Variants in PRR16 observed in about 807,000 individuals in gnomAD.
The protein encoded by PRR16 is protein Largen.
In PRR16, 6 loss-of-function variants were observed where a neutral mutation model predicts 18.2. That is an observed-to-expected ratio of 0.33 (90% CI 0.18 to 0.65). The LOEUF (loss-of-function observed/expected upper bound fraction) is 0.65. Ranked by LOEUF, PRR16 falls within the 30% of genes least tolerant of loss-of-function variation. The pLI, the probability that PRR16 is intolerant of heterozygous loss-of-function variation, is 0.74. For missense variants in PRR16, 412 were observed against 376.6 expected, an observed-to-expected ratio of 1.09 and a Z score of -0.78; for synonymous variants, 151 against 147.8, an observed-to-expected ratio of 1.02 and a Z score of -0.16.
chr5:120,773,597 C>T, the PRR16 span, among the ~76,000 whole-genome samples: 6 of 152,172 alleles, frequency 3.9e-5, no homozygotes, highest in South Asian at 6.2e-4. Context: ...ATTTATTCTA[C>T]ATGGTCAACT....
chr5:120,619,786 T>C (rs1446761583), intron 1 of PRR16, among the ~76,000 whole-genome samples: 1 of 152,034 alleles, frequency 6.6e-6, no homozygotes, highest in African/African-American at 2.4e-5. Context: ...CAGTAGTTAT[T>C]GAACATGCAC....
At chr5:120,485,659 A>G (rs918239790) in intron 1 of PRR16, among the ~76,000 whole-genome samples, 2 of 151,482 alleles carry the variant, frequency 1.3e-5, no homozygotes, top group African/African-American at 2.4e-5. Context: ...TTTTTTTTTT[A>G]TTATTATACT....
intron 1 of PRR16, among the ~76,000 whole-genome samples, chr5:120,629,834 T>C (rs1754996002): frequency 6.6e-6 from 1 of 152,172 alleles, no homozygotes; most frequent in African/African-American, 2.4e-5. Flanking sequence ...TTATTTCCAC[T>C]CTGCATTTTA....
the PRR16 span, among the ~76,000 whole-genome samples, chr5:120,770,205 G>T: frequency 1.3e-5 from 2 of 151,660 alleles, no homozygotes; most frequent in Non-Finnish European, 2.9e-5. Flanking sequence ...GTATTATGAG[G>T]CCCTGGTAAT....
chr5:120,642,257 G>A (rs963877971), intron 1 of PRR16, among the ~76,000 whole-genome samples: 2 of 122,096 alleles, frequency 1.6e-5, no homozygotes, highest in African/African-American at 5.9e-5. Context: ...TTCTTCAACA[G>A]CTGTTTTTTT....
the PRR16 span, among the ~76,000 whole-genome samples, chr5:120,700,951 A>C: frequency 1.3e-5 from 2 of 152,206 alleles, no homozygotes; most frequent in African/African-American, 2.4e-5. Flanking sequence ...TGAGTTGAAC[A>C]GTCCAATTTT....
chr5:120,559,438 G>A (rs908509055), intron 1 of PRR16, among the ~76,000 whole-genome samples: 2 of 151,630 alleles, frequency 1.3e-5, no homozygotes, highest in Non-Finnish European at 3.0e-5. Flanking sequence ...TATATCCTTG[G>A]TACCTTTGTT....
chr5:120,594,956 C>G (rs1274788441), intron 1 of PRR16, among the ~76,000 whole-genome samples: 3 of 151,752 alleles, frequency 2.0e-5, no homozygotes, highest in Non-Finnish European at 4.4e-5. Flanking sequence ...AAAAATCAAC[C>G]AAAAATGGGA....
chr5:120,694,089 A>G, the PRR16 span, among the ~76,000 whole-genome samples: 1 of 152,206 alleles, frequency 6.6e-6, no homozygotes, highest in Non-Finnish European at 1.5e-5. Flanking sequence ...TTACTTAATG[A>G]ATGTGAAAAT....
chr5:120,745,016 G>T, the PRR16 span, among the ~76,000 whole-genome samples: 1 of 152,174 alleles, frequency 6.6e-6, no homozygotes, highest in East Asian at 1.9e-4. Context: ...GAACCTTAGA[G>T]TCTTGGTATT....
intron 1 of PRR16, among the ~76,000 whole-genome samples, chr5:120,531,868 G>C (rs1437300945): frequency 6.6e-6 from 1 of 152,112 alleles, no homozygotes; most frequent in Admixed American, 6.6e-5. Flanking sequence ...TAACTGCTGA[G>C]CTATTGTATA....
chr5:120,595,058 A>G (rs1753756594), intron 1 of PRR16, among the ~76,000 whole-genome samples: 1 of 151,954 alleles, frequency 6.6e-6, no homozygotes, highest in Admixed American at 6.6e-5. Flanking sequence ...TATAGGCATC[A>G]TGACGAAGGA....
chr5:120,629,356 TGG>T (rs1176037669), intron 1 of PRR16, among the ~76,000 whole-genome samples: 1 of 152,158 alleles, frequency 6.6e-6, no homozygotes, highest in Admixed American at 6.6e-5. Context: ...ATGAGATTGC[TGG>T]GTGAAATGGT....
intron 1 of PRR16, among the ~76,000 whole-genome samples, chr5:120,620,665 A>G (rs1754658423): frequency 6.6e-6 from 1 of 151,944 alleles, no homozygotes; most frequent in Admixed American, 6.6e-5. Flanking sequence ...ACCTCTCATT[A>G]GTGTGTTTTG....
At chr5:120,774,850 ATATT>A in the PRR16 span, among the ~76,000 whole-genome samples, 5 of 152,166 alleles carry the variant, frequency 3.3e-5, no homozygotes, top group African/African-American at 1.2e-4. Flanking sequence ...ATAAATCTGA[ATATT>A]TATAAGAGAG....
chr5:120,645,775 C>T (rs1014766385), intron 1 of PRR16, among the ~76,000 whole-genome samples: 4 of 151,912 alleles, frequency 2.6e-5, no homozygotes, highest in African/African-American at 9.7e-5. Flanking sequence ...TGGTGTTCTG[C>T]TCACTCTAGT....
intron 1 of PRR16, among the ~76,000 whole-genome samples, chr5:120,684,884 T>C (rs753629665): frequency 3.9e-5 from 6 of 152,244 alleles, no homozygotes; most frequent in Admixed American, 2.0e-4. Flanking sequence ...CCCACCTGTC[T>C]TATGCTCTGA....
intron 1 of PRR16, among the ~76,000 whole-genome samples, chr5:120,678,481 C>T (rs1416567995): frequency 6.6e-6 from 1 of 152,158 alleles, no homozygotes; most frequent in Admixed American, 6.5e-5. Context: ...TGTGCAGTCA[C>T]TGTGCTCTCT....
At chr5:120,722,704 TG>T in the PRR16 span, among the ~76,000 whole-genome samples, 1 of 152,046 alleles carries the variant, frequency 6.6e-6, no homozygotes. Context: ...GTGAAGATTA[TG>T]AACTCTAGAG....
Sources: allele counts gnomAD v4.1 joint callset (sites outside exome capture counted in the v4.1 genomes callset), GRCh38; gene constraint gnomAD v4.1.1; transcripts MANE v1.5; gene names NCBI Gene and HGNC (gene_info 2026-07-23, HGNC 2026-07-21).